The following FBXO33 variants were observed in gnomAD, a reference collection of about 807,000 sequenced individuals.
FBXO33 encodes the protein F-box only protein 33.
A neutral mutation model predicts 46.3 loss-of-function variants in FBXO33; 22 were observed. The ratio of observed to expected loss-of-function variants is 0.48; its 90% confidence interval spans 0.34 to 0.68. The LOEUF is 0.68. Ranked by LOEUF, FBXO33 falls within the 30% of genes least tolerant of loss-of-function variation. The pLI is 0.01. For synonymous variants in FBXO33, 337 were observed against 291.3 expected (o/e 1.16, Z -1.60); for missense variants, 692 against 708.8 (o/e 0.98, Z 0.27).
chr14:39,414,860 T>C (rs1287858946), intron 1 of FBXO33, among the ~76,000 whole-genome samples: 1 of 152,110 alleles, frequency 6.6e-6, no homozygotes, highest in African/African-American at 2.4e-5. Context: ...TGGGGGTCTA[T>C]GTTCCCCAGG....
chr14:39,408,095 C>T (rs1323547546), intron 1 of FBXO33, among the ~76,000 whole-genome samples: 1 of 152,176 alleles, frequency 6.6e-6, no homozygotes, highest in African/African-American at 2.4e-5. Context: ...TGTGCGCCAC[C>T]ATGCCTGGCT....
At chr14:39,404,917 G>A (rs986503110) in intron 1 of FBXO33, among the ~76,000 whole-genome samples, 1 of 152,006 alleles carries the variant, frequency 6.6e-6, no homozygotes, top group Non-Finnish European at 1.5e-5. Context: ...GGGAGGCTGA[G>A]GTGGGTGGAT....
intron 1 of FBXO33, among the ~76,000 whole-genome samples, chr14:39,423,986 T>C (rs938038077): frequency 6.6e-6 from 1 of 152,172 alleles, no homozygotes; most frequent in Admixed American, 6.5e-5. Context: ...CCAGTGTCTA[T>C]TGTTTCTATT....
intron 1 of FBXO33, among the ~76,000 whole-genome samples, chr14:39,418,699 C>T (rs770374036): frequency 1.3e-5 from 2 of 148,232 alleles, no homozygotes; most frequent in African/African-American, 2.5e-5. Flanking sequence ...GACGTGAACC[C>T]GGAAGGCAGA....
chr14:39,420,570 A>T (rs921028429), intron 1 of FBXO33, among the ~76,000 whole-genome samples: 1 of 152,130 alleles, frequency 6.6e-6, no homozygotes, highest in Non-Finnish European at 1.5e-5. Flanking sequence ...ACCTGTATGT[A>T]GTCCCAGCCA....
rs534189436 is a variant in FBXO33, at chr14:39,423,427, A to G, written c.599+8137T>C. Among the ~76,000 whole-genome samples, 35 of 152,340 alleles carry G rather than the reference A, an allele frequency of 2.3e-4. No individual in the cohort carries two copies. The East Asian group carries it at 6.2e-3, about 27-fold the overall frequency. ...TCCAGAAATTTCATTCCTAGGTATA[A>G]GCCCAATATGAATGCCTACATTAAA... On this transcript the variant is annotated intron_variant, in intron 1 of 3. Coordinates refer to ENST00000298097, the MANE Select transcript of FBXO33 (RefSeq NM_203301.4).
chr14:39,408,945 T>G (rs1231025488), intron 1 of FBXO33, among the ~76,000 whole-genome samples: 1 of 151,882 alleles, frequency 6.6e-6, no homozygotes, highest in Non-Finnish European at 1.5e-5. Context: ...CCAGCTACTT[T>G]TTGTATTTTT....
intron 1 of FBXO33, among the ~76,000 whole-genome samples, chr14:39,425,818 GTGGAACTAATGGGGTCT>G (rs1032645580): frequency 6.6e-6 from 1 of 152,218 alleles, no homozygotes; most frequent in African/African-American, 2.4e-5. Context: ...AATGTGGCTA[GTGGAACTAATGGGGTCT>G]TTAATTTTAT....
intron 1 of FBXO33, among the ~76,000 whole-genome samples, chr14:39,409,143 A>C (rs2075411520): frequency 6.6e-6 from 1 of 152,092 alleles, no homozygotes; most frequent in Non-Finnish European, 1.5e-5. Context: ...TTTGGTGTCA[A>C]ACCACAAAGT....
At chr14:39,429,867 A>C (rs902423194) in intron 1 of FBXO33, among the ~76,000 whole-genome samples, 5 of 152,212 alleles carry the variant, frequency 3.3e-5, no homozygotes, top group African/African-American at 1.2e-4. Context: ...CAGGAGAATT[A>C]AGCTACAAAG....
intron 1 of FBXO33, among the ~76,000 whole-genome samples, chr14:39,423,185 G>T (rs1344681749): frequency 1.3e-5 from 2 of 151,938 alleles, no homozygotes; most frequent in Non-Finnish European, 2.9e-5. Context: ...ACTATCAAAG[G>T]ACTCATTTAG....
At chr14:39,427,665 G>A (rs1029611427) in intron 1 of FBXO33, among the ~76,000 whole-genome samples, 43 of 152,120 alleles carry the variant, frequency 2.8e-4, no homozygotes, top group African/African-American at 9.9e-4. Context: ...TAGGCAGGGT[G>A]CAGGGGATCA....
intron 1 of FBXO33, among the ~76,000 whole-genome samples, chr14:39,425,933 A>T (rs2075510765): frequency 6.6e-6 from 1 of 152,188 alleles, no homozygotes; most frequent in African/African-American, 2.4e-5. Flanking sequence ...TAACCGGCCT[A>T]TAACAGTACT....
At chr14:39,431,307 G>A (rs934877509) in intron 1 of FBXO33, among the ~76,000 whole-genome samples, 1 of 152,156 alleles carries the variant, frequency 6.6e-6, no homozygotes, top group Non-Finnish European at 1.5e-5. Flanking sequence ...CCACCAAGAG[G>A]ATGAATGAGT....
At chr14:39,426,501 A>G (rs2075515842) in intron 1 of FBXO33, among the ~76,000 whole-genome samples, 1 of 152,204 alleles carries the variant, frequency 6.6e-6, no homozygotes, top group South Asian at 2.1e-4. Flanking sequence ...TCTTGTCCTT[A>G]AAATTTTTTT....
chr14:39,428,280 A>G (rs927029824), intron 1 of FBXO33, among the ~76,000 whole-genome samples: 1 of 152,016 alleles, frequency 6.6e-6, no homozygotes, highest in Non-Finnish European at 1.5e-5. Context: ...ATCTCTATTC[A>G]CTGCAACCTC....
Position 39,401,284 on chromosome 14 carries a change from C to A in FBXO33, c.1288G>T (p.Asp430Tyr). Residue 430 changes from aspartate (D) to tyrosine (Y), a missense_variant, in exon 3 of 4, where the codon GAT (aspartate) becomes TAT (tyrosine). Coordinates refer to ENST00000298097, the MANE Select transcript of FBXO33 (RefSeq NM_203301.4). ...KFLTHFILMNDVIDTSGFPDL... is the reference protein window; with the variant it reads ...KFLTHFILMNYVIDTSGFPDL... ...GGAAAACCAGATGTGTCAATCACATCATTCATTAAAATAAAATGAGTGAGG... is the reference window on the plus strand; with the variant it reads ...GGAAAACCAGATGTGTCAATCACATAATTCATTAAAATAAAATGAGTGAGG... 1 of 1,614,068 alleles carries A rather than the reference C, an allele frequency of 6.2e-7. No homozygotes were observed. Among genetic ancestry groups the A allele is most frequent in the Non-Finnish European group, 8.5e-7 (1 of 1,180,012 alleles).
chr14:39,415,622 T>C (rs1291932609), intron 1 of FBXO33, among the ~76,000 whole-genome samples: 1 of 152,226 alleles, frequency 6.6e-6, no homozygotes. Context: ...TGTATTTTAA[T>C]ATTACATATC....
chr14:39,409,939 T>C (rs576123290), intron 1 of FBXO33, among the ~76,000 whole-genome samples: 2 of 152,162 alleles, frequency 1.3e-5, no homozygotes, highest in Admixed American at 1.3e-4. Flanking sequence ...TTTTTTTTGG[T>C]GGTGTCTTTA....
Sources: gnomAD v4.1 joint callset for allele counts (sites outside exome capture counted in the v4.1 genomes callset) on GRCh38, gnomAD v4.1.1 for gene constraint, MANE v1.5 for transcripts, NCBI Gene and HGNC (gene_info 2026-07-23, HGNC 2026-07-21) for gene names.